The following LRRC37A2 variants were observed in gnomAD, a reference collection of about 807,000 sequenced individuals.
LRRC37A2 encodes leucine rich repeat containing 37 member A2.
A neutral mutation model predicts 68.8 loss-of-function variants in LRRC37A2; 9 were observed. That is an observed-to-expected ratio of 0.13 (90% CI 0.08 to 0.23). The LOEUF (loss-of-function observed/expected upper bound fraction) is 0.23. LRRC37A2 is among the 10% of genes least tolerant of loss of function. The pLI is 1.00. For missense variants in LRRC37A2, 168 were observed against 950.4 expected, an observed-to-expected ratio of 0.18 and a Z score of 10.82; for synonymous variants, 63 against 367.6, an observed-to-expected ratio of 0.17 and a Z score of 9.48.
At chr17:47,027,210 C>T in the LRRC37A2 span, among the ~76,000 whole-genome samples, 925 of 151,988 alleles carry the variant, frequency 6.1e-3, 18 homozygotes, top group African/African-American at 0.021. Flanking sequence ...GCACCCGGCC[C>T]GACTATTTTT....
chr17:46,814,030 G>A, the LRRC37A2 span, among the ~76,000 whole-genome samples: 1 of 152,308 alleles, frequency 6.6e-6, no homozygotes, highest in East Asian at 1.9e-4. Context: ...TAAAGGACTT[G>A]GCACCAAAGT....
At chr17:46,660,085 CAT>C in the LRRC37A2 span, among the ~76,000 whole-genome samples, 2 of 40,898 alleles carry the variant, frequency 4.9e-5, no homozygotes, top group Non-Finnish European at 8.5e-5. Flanking sequence ...GTGAAGACTA[CAT>C]GTTTCAAACG....
the LRRC37A2 span, among the ~76,000 whole-genome samples, chr17:46,760,528 G>A: frequency 6.6e-6 from 1 of 150,520 alleles, no homozygotes; most frequent in Non-Finnish European, 1.5e-5. Flanking sequence ...CCAGCTACAC[G>A]GGAGCCTGAG....
At chr17:46,719,093 A>G in the LRRC37A2 span, among the ~76,000 whole-genome samples, 3 of 152,220 alleles carry the variant, frequency 2.0e-5, no homozygotes, top group African/African-American at 7.2e-5. The surrounding 1 kb of genome is among the most constrained non-coding windows in gnomAD (Gnocchi z 4.3). Flanking sequence ...TGATATTATT[A>G]AAATATTTTT....
chr17:46,860,899 C>T, the LRRC37A2 span, among the ~76,000 whole-genome samples: 1 of 152,160 alleles, frequency 6.6e-6, no homozygotes, highest in African/African-American at 2.4e-5. Context: ...TGCTCTGTCA[C>T]CCAGACTAGA....
chr17:46,704,847 T>C, the LRRC37A2 span: 5 of 1,598,842 alleles, frequency 3.1e-6, no homozygotes, highest in South Asian at 1.1e-5. Flanking sequence ...GAGAATGATA[T>C]CAAACCAGTG....
the LRRC37A2 span, among the ~76,000 whole-genome samples, chr17:46,902,822 G>A: frequency 6.6e-6 from 1 of 152,210 alleles, no homozygotes; most frequent in African/African-American, 2.4e-5. Context: ...CTGGGGAAGG[G>A]ATCGCCATCT....
chr17:46,854,556 A>G, the LRRC37A2 span, among the ~76,000 whole-genome samples: 1 of 152,184 alleles, frequency 6.6e-6, no homozygotes, highest in Non-Finnish European at 1.5e-5. Flanking sequence ...CCCAAACCCC[A>G]AACCACAGTG....
chr17:46,788,472 G>A, the LRRC37A2 span, among the ~76,000 whole-genome samples: 2 of 152,166 alleles, frequency 1.3e-5, no homozygotes, highest in Non-Finnish European at 2.9e-5. Context: ...ACAAGACATA[G>A]CCTGCCCAGC....
At chr17:46,859,950 T>C in the LRRC37A2 span, among the ~76,000 whole-genome samples, 1 of 152,240 alleles carries the variant, frequency 6.6e-6, no homozygotes, top group South Asian at 2.1e-4. Flanking sequence ...ATTTAGATAG[T>C]ATTGTTTTTA....
chr17:46,853,363 CTTTT>C, the LRRC37A2 span, among the ~76,000 whole-genome samples: 3 of 78,904 alleles, frequency 3.8e-5, no homozygotes, highest in Non-Finnish European at 6.7e-5. Flanking sequence ...ATGCTAGTGA[CTTTT>C]TTTTTTTTTT....
chr17:46,458,686 C>T, the LRRC37A2 span, among the ~76,000 whole-genome samples: 4 of 101,828 alleles, frequency 3.9e-5, no homozygotes, highest in Admixed American at 9.5e-5. Flanking sequence ...GGATTACAGG[C>T]ATGCACCACC....
the LRRC37A2 span, among the ~76,000 whole-genome samples, chr17:46,914,374 C>T: frequency 3.3e-5 from 5 of 151,632 alleles, no homozygotes; most frequent in Admixed American, 6.6e-5. Flanking sequence ...TTCGGCTGGG[C>T]GCAGTGGCTC....
the LRRC37A2 span, among the ~76,000 whole-genome samples, chr17:46,741,853 G>A: frequency 9.2e-5 from 14 of 152,220 alleles, no homozygotes; most frequent in East Asian, 1.7e-3. Context: ...TGCAACCTCC[G>A]CCTCCCAGGT....
chr17:46,966,500 A>G, the LRRC37A2 span: 2 of 683,200 alleles, frequency 2.9e-6, no homozygotes, highest in South Asian at 3.2e-5. Context: ...GGTGCACCCC[A>G]CCACACCCGA....
chr17:47,022,498 G>A, the LRRC37A2 span, among the ~76,000 whole-genome samples: 2 of 151,754 alleles, frequency 1.3e-5, no homozygotes, highest in African/African-American at 4.8e-5. Flanking sequence ...GTATAAAAAT[G>A]CAATAACAGA....
At chr17:46,657,977 T>A in the LRRC37A2 span, among the ~76,000 whole-genome samples, 42 of 67,430 alleles carry the variant, frequency 6.2e-4, no homozygotes, top group Non-Finnish European at 9.6e-4. Context: ...TTTATTTTTT[T>A]TTTTTTTGGC....
chr17:46,840,703 G>T, the LRRC37A2 span, among the ~76,000 whole-genome samples: 3 of 152,170 alleles, frequency 2.0e-5, no homozygotes, highest in Non-Finnish European at 4.4e-5. Flanking sequence ...TCTAACTGGC[G>T]TGAGATGGTA....
chr17:46,852,389 A>T, the LRRC37A2 span, among the ~76,000 whole-genome samples: 2 of 105,322 alleles, frequency 1.9e-5, no homozygotes, highest in African/African-American at 3.7e-5. Context: ...GAGAGGGCCC[A>T]GTGTGTGTGT....
Sources: allele counts gnomAD v4.1 joint callset (sites outside exome capture counted in the v4.1 genomes callset), GRCh38; gene constraint gnomAD v4.1.1; non-coding constraint Gnocchi (gnomAD v3.1); transcripts MANE v1.5; gene names NCBI Gene and HGNC (gene_info 2026-07-23, HGNC 2026-07-21).